The following PLXNA1 variants were observed in gnomAD, a reference collection of about 807,000 sequenced individuals.
PLXNA1 encodes plexin A1.
In PLXNA1, 77 loss-of-function variants were observed where a neutral mutation model predicts 191.7. The ratio of observed to expected loss-of-function variants is 0.40; its 90% CI spans 0.33 to 0.49. PLXNA1 has a LOEUF of 0.49. PLXNA1 is among the 20% of genes least tolerant of loss of function. PLXNA1 has a pLI of 0.63. For missense variants in PLXNA1, 2,110 were observed against 2,660.2 expected (o/e 0.79, Z 4.55); for synonymous variants, 1,137 against 1,156.4 (o/e 0.98, Z 0.34).
chr3:127,006,401 T>A (rs1425330711), intron 8 of PLXNA1, among the ~76,000 whole-genome samples: 1 of 152,134 alleles, frequency 6.6e-6, no homozygotes, highest in Non-Finnish European at 1.5e-5. Context: ...GGCAAGGCCA[T>A]GAGTGCAGAG....
intron 23 of PLXNA1, chr3:127,027,254 A>G (rs114355917): frequency 0.026 from 6,080 of 237,162 alleles, 115 homozygotes; most frequent in Non-Finnish European, 0.036. Flanking sequence ...CTCATGCTAC[A>G]GCGCGGGGAG....
intron 3 of PLXNA1, among the ~76,000 whole-genome samples, chr3:126,996,592 G>C (rs999081921): frequency 1.3e-5 from 2 of 152,184 alleles, no homozygotes; most frequent in East Asian, 1.9e-4. Context: ...CTGGAGCTGG[G>C]GGGGCAAGAA....
intron 1 of PLXNA1, among the ~76,000 whole-genome samples, chr3:126,985,713 C>T (rs1031728656): frequency 3.3e-5 from 5 of 152,230 alleles, no homozygotes; most frequent in Non-Finnish European, 5.9e-5. Flanking sequence ...CAGACCCAAG[C>T]CTATGAGAGT....
chr3:127,018,111 G>T (rs986677439), intron 19 of PLXNA1, among the ~76,000 whole-genome samples, 183 bp from the exon 20 acceptor site: 1 of 151,976 alleles, frequency 6.6e-6, no homozygotes, highest in African/African-American at 2.4e-5. Flanking sequence ...TGCCAGTGGT[G>T]CCCTGGCTGG....
At chr3:127,007,702 A>G (rs1194345912) in intron 8 of PLXNA1, 97 bp from the exon 9 acceptor site, 8 of 732,060 alleles carry the variant, frequency 1.1e-5, no homozygotes, top group African/African-American at 5.3e-5. Flanking sequence ...AGGTGGCACT[A>G]TGAATACCAG....
At chr3:127,023,140 G>A (rs1015536324) in intron 23 of PLXNA1, among the ~76,000 whole-genome samples, 6 of 152,208 alleles carry the variant, frequency 3.9e-5, no homozygotes, top group Admixed American at 2.0e-4. Context: ...CCTCTGAGGG[G>A]CCAGCCTGGG....
Position 127,006,104 on chromosome 3 carries a change from C to T in PLXNA1, c.1923C>T (p.Tyr641=). The change falls in exon 8 of 32, where the codon TAC becomes TAT. Residue 641 remains tyrosine, a synonymous_variant. Transcript: ENST00000393409. ...GAGACCAGCGGGTGGTGAAACTCTA[C>T]CTAAAGTCCAAGGAGACAGGGAAGA... ...GQGDQRVVKL[Y]LKSKETGKKF... 1.9e-6 allele frequency: 3 copies of T among 1,613,836 alleles called. No individual in the cohort carries two copies. Among genetic ancestry groups the T allele is most frequent in the Non-Finnish European group, 2.5e-6 (3 of 1,179,942 alleles).
At chr3:127,018,694 G>A (rs992327935) in intron 20 of PLXNA1, among the ~76,000 whole-genome samples, 166 bp downstream of exon 20, 20 of 152,246 alleles carry the variant, frequency 1.3e-4, no homozygotes, top group Non-Finnish European at 1.3e-4. Context: ...GTGGGCGGGT[G>A]CCTGACCAGG....
intron 19 of PLXNA1, 26 bp downstream of exon 19, chr3:127,017,918 A>G (rs1207239970): frequency 8.7e-6 from 14 of 1,608,962 alleles, no homozygotes; most frequent in African/African-American, 1.3e-5. Flanking sequence ...GGGGGTGCAG[A>G]GCTGGGAGAG....
intron 8 of PLXNA1, among the ~76,000 whole-genome samples, chr3:127,007,235 C>T (rs887099446): frequency 2.0e-5 from 3 of 152,114 alleles, no homozygotes; most frequent in Non-Finnish European, 2.9e-5. Context: ...CAGCCCTGTG[C>T]AAGGCTGAGT....
In PLXNA1 at chr3:127,014,367, A is replaced by G; in HGVS notation, c.2596A>G (p.Ile866Val). The part of the protein sequence containing the change: ...HGSSRCTDPK[I>V]LKLSPETGPR... ...CAGCAGTCGCTGCACCGACCCCAAG[A>G]TCCTCAAGGTAGGGCCCCCAGCCCT... The change falls in exon 12 of 32, where the codon ATC becomes GTC. Residue 866 changes from isoleucine (I) to valine (V), a missense_variant. This residue lies in a region of PLXNA1 where 644 missense variants were observed against 714.3 expected (regional missense o/e 0.90). Transcript: ENST00000393409. 1 of 1,592,070 alleles carries G rather than the reference A, an allele frequency of 6.3e-7. No individual in the cohort carries two copies. Among genetic ancestry groups the G allele is most frequent in the African/African-American group, 1.3e-5 (1 of 74,844 alleles).
At chr3:127,030,916 G>A (rs1206529795) in intron 29 of PLXNA1, among the ~76,000 whole-genome samples, 5 of 152,306 alleles carry the variant, frequency 3.3e-5, no homozygotes, top group South Asian at 2.1e-4. Flanking sequence ...GCTGGAGTAC[G>A]GAGCAGGGCC....
intron 3 of PLXNA1, among the ~76,000 whole-genome samples, chr3:126,999,219 C>T (rs1033666166): frequency 6.6e-6 from 1 of 152,192 alleles, no homozygotes; most frequent in Admixed American, 6.5e-5. Context: ...GGCAGCCCTT[C>T]CTGGGGCCAC....
intron 9 of PLXNA1, among the ~76,000 whole-genome samples, chr3:127,009,791 G>A (rs1166900117): frequency 2.0e-5 from 3 of 152,232 alleles, no homozygotes; most frequent in African/African-American, 2.4e-5. Flanking sequence ...GCCTGTGCAT[G>A]TTGATGGGAA....
chr3:127,020,585 G>A lies in PLXNA1; in HGVS notation c.4038+241G>A, dbSNP rs1320770903. 2.0e-5 allele frequency among the ~76,000 whole-genome samples: 3 copies of A among 152,178 alleles called. No individual in the cohort carries two copies. In the East Asian group the frequency reaches 5.8e-4, roughly 29 times the overall value. The stretch of plus-strand genomic sequence containing the variant: ...GTTGGGGCAGGGGAATGGCCAGCAC[G>A]GCTCTGCTCCATAAAGTACCTCCAG... On this transcript the variant is annotated intron_variant, in intron 21 of 31. Transcript: ENST00000393409.
At chr3:127,023,916 G>A (rs1203952386) in intron 23 of PLXNA1, among the ~76,000 whole-genome samples, 1 of 152,148 alleles carries the variant, frequency 6.6e-6, no homozygotes. Flanking sequence ...ATAGGCAGGG[G>A]CTGGGCTTGT....
At position 127,032,769 on chromosome 3, in the gene PLXNA1, T is replaced by C. The variant is rs1335657372; in HGVS notation, c.5528T>C (p.Leu1843Pro). The change falls in exon 31 of 32, where the codon CTG (leucine) becomes CCG (proline). Residue 1843 changes from leucine to proline, a missense_variant. By Grantham distance (98) the Leu-to-Pro change is moderately conservative. Around this residue, in one of 4 missense-constraint regions of PLXNA1, gnomAD observed 559 missense variants for 911.5 expected, o/e 0.61. Transcript: ENST00000393409. Reference protein sequence around the residue: ...AYLAEQSRLHLSQFNSMSALH... With the variant: ...AYLAEQSRLHPSQFNSMSALH... ...CTGGCTGAGCAGTCCCGCCTGCACC[T>C]GAGCCAGTTCAACAGCATGAGCGCC... 6.2e-7 allele frequency: 1 copy of C among 1,613,490 alleles called. No homozygotes were observed. Among genetic ancestry groups the C allele is most frequent in the Non-Finnish European group, 8.5e-7 (1 of 1,180,016 alleles).
Position 126,984,791 on chromosome 3 carries a change from C to T in PLXNA1, c.-74+1504C>T, listed in dbSNP as rs1025786108. Among the ~76,000 whole-genome samples the T allele has an allele frequency of 2.0e-5, 3 of 152,320 alleles. No homozygotes were observed. In the East Asian group the frequency reaches 5.8e-4, roughly 29 times the overall value. On this transcript the variant is annotated intron_variant, in intron 1 of 31. Coordinates refer to ENST00000393409, the MANE Select transcript of PLXNA1 (RefSeq NM_032242.4). ...CCTGGCCCCCCAAGGTCGTTGCCTG[C>T]CTGTTTTGAGCCCCCAGGAAAGCCC...
At chr3:126,996,241 G>A (rs1372529655) in intron 3 of PLXNA1, among the ~76,000 whole-genome samples, 2 of 152,112 alleles carry the variant, frequency 1.3e-5, no homozygotes, top group Non-Finnish European at 2.9e-5. Context: ...GGTGTCCTCC[G>A]CCCGGCCATC....
Sources: allele counts gnomAD v4.1 joint callset (sites outside exome capture counted in the v4.1 genomes callset), GRCh38; gene constraint gnomAD v4.1.1; regional missense constraint gnomAD v4.1.1; transcripts MANE v1.5; gene names NCBI Gene and HGNC (gene_info 2026-07-23, HGNC 2026-07-21).